The following AKAP9 variants were observed in gnomAD, a reference collection of about 807,000 sequenced individuals.
The protein encoded by AKAP9 is A-kinase anchor protein 9.
Under a neutral mutation model 488.5 loss-of-function variants are expected in AKAP9, and 311 were observed. The ratio of observed to expected loss-of-function variants is 0.64; its 90% CI spans 0.58 to 0.70. AKAP9 has a LOEUF of 0.70. Among genes scored for constraint, AKAP9 ranks in the 30% least tolerant of loss-of-function variants. The probability of loss-of-function intolerance (pLI) is 0.00; values close to 1 mark genes in which losing one functional copy is unlikely to be tolerated. For missense variants in AKAP9, 4,215 were observed against 4,374.5 expected (o/e 0.96, Z 1.03); for synonymous variants, 1,462 against 1,483.5 (o/e 0.99, Z 0.33).
chr7:91,983,420 A>G (rs1440465356), intron 3 of AKAP9, among the ~76,000 whole-genome samples: 1 of 152,136 alleles, frequency 6.6e-6, no homozygotes, highest in South Asian at 2.1e-4. Flanking sequence ...CATGGTGTAT[A>G]TGTGCCACAT....
intron 26 of AKAP9, among the ~76,000 whole-genome samples, chr7:92,067,937 A>G (rs1811021147): frequency 6.6e-6 from 1 of 152,194 alleles, no homozygotes; most frequent in African/African-American, 2.4e-5. Context: ...TTCTGAAACA[A>G]TTTTTATTTC....
At chr7:91,946,772 C>T (rs1791504622) in intron 1 of AKAP9, among the ~76,000 whole-genome samples, 1 of 152,004 alleles carries the variant, frequency 6.6e-6, no homozygotes. Context: ...TGAATGATAG[C>T]TCATGGAAAG....
chr7:92,077,095 T>TA, intron 29 of AKAP9, 88 bp downstream of exon 29: 16 of 394,490 alleles, frequency 4.1e-5, no homozygotes, highest in Non-Finnish European at 5.6e-5. Flanking sequence ...ATTATTTCTT[T>TA]CTTTTTTTTT....
At chr7:91,991,008 C>CA (rs1797679832) in intron 3 of AKAP9, among the ~76,000 whole-genome samples, 1 of 152,134 alleles carries the variant, frequency 6.6e-6, no homozygotes, top group Non-Finnish European at 1.5e-5. Context: ...ATACTCTGTC[C>CA]ATCTCATGTT....
At position 92,068,466 on chromosome 7, in the gene AKAP9, G is replaced by A. The variant is rs376510498; in HGVS notation, c.6331-1564G>A. On this transcript the variant is annotated intron_variant, in intron 26 of 49. Transcript: ENST00000356239. ...TTTGGCTTTTAAAAAGTAGTCGTTT[G>A]TTGTACTTCAAAGAATATTTAAGCT... Among the ~76,000 whole-genome samples, 580 of 150,834 alleles carry A rather than the reference G, an allele frequency of 3.8e-3. 4 individuals are homozygous for A. The highest frequency in any genetic ancestry group is 0.013 in the African/African-American group (554 of 41,128).
intron 1 of AKAP9, among the ~76,000 whole-genome samples, chr7:91,942,314 A>G (rs564852279): frequency 1.4e-4 from 22 of 152,366 alleles, no homozygotes; most frequent in African/African-American, 5.1e-4. Context: ...ATGAATATAT[A>G]TATAAAAACT....
chr7:92,101,793 A>G (rs1424302442), intron 45 of AKAP9, among the ~76,000 whole-genome samples: 4 of 152,214 alleles, frequency 2.6e-5, no homozygotes, highest in Non-Finnish European at 4.4e-5. Flanking sequence ...ATTCAAAACA[A>G]AAAGAAAAAC....
intron 2 of AKAP9, among the ~76,000 whole-genome samples, chr7:91,975,758 C>T (rs1795584396): frequency 6.6e-6 from 1 of 151,632 alleles, no homozygotes; most frequent in African/African-American, 2.4e-5. Context: ...TTTATATTAG[C>T]TGTTTTTGTT....
chr7:91,941,702 C>T (rs994481110), intron 1 of AKAP9, among the ~76,000 whole-genome samples: 2 of 151,990 alleles, frequency 1.3e-5, no homozygotes, highest in African/African-American at 2.4e-5. Context: ...TTTTTAGAAG[C>T]GTGTCTTTGT....
At chr7:92,063,124 C>CG (rs1810177833) in intron 24 of AKAP9, among the ~76,000 whole-genome samples, 1 of 152,106 alleles carries the variant, frequency 6.6e-6, no homozygotes, top group Non-Finnish European at 1.5e-5. Context: ...TTATATTACA[C>CG]GTGCAGTTGG....
Position 92,003,044 on chromosome 7 carries a change from G to A in AKAP9, c.3127G>A (p.Gly1043Ser), listed in dbSNP as rs1799361733. ...GSVSKVNKSF[G>S]EESKIMVEDK... is the part of the protein sequence containing the mutation. ...AGTTTCTAAAGTAAATAAAAGTTTTGGTGAAGAATCAAAAATAATGGTGGA... is the reference window on the plus strand; with the variant it reads ...AGTTTCTAAAGTAAATAAAAGTTTTAGTGAAGAATCAAAAATAATGGTGGA... Residue 1043 changes from glycine (G) to serine (S), a missense_variant, in exon 8 of 50, where the codon GGT becomes AGT. Gly to Ser is a moderately conservative substitution (Grantham distance 56, BLOSUM62 0). This residue lies in a region of AKAP9 where 2,361 missense variants were observed against 2,430.0 expected (regional missense o/e 0.97). Transcript: ENST00000356239. 7.4e-6 allele frequency: 12 copies of A among 1,613,144 alleles called. No individual in the cohort carries two copies. Among genetic ancestry groups the A allele is most frequent in the Non-Finnish European group, 8.5e-6 (10 of 1,179,542 alleles).
Position 92,001,176 on chromosome 7 carries a change from A to G in AKAP9, c.1259A>G (p.Gln420Arg), listed in dbSNP as rs375876545. 63 of 1,614,048 alleles carry G rather than the reference A, an allele frequency of 3.9e-5. No individual in the cohort carries two copies. Among genetic ancestry groups the G allele is most frequent in the Middle Eastern group, 3.3e-4 (2 of 6,062 alleles). The change falls in exon 8 of 50, where the codon CAA (glutamine) becomes CGA (arginine). Residue 420 changes from glutamine to arginine, a missense_variant. Physicochemically the swap from Gln to Arg is conservative, Grantham distance 43. Around this residue, in one of 5 missense-constraint regions of AKAP9, gnomAD observed 2,361 missense variants for 2,430.0 expected, o/e 0.97. Coordinates refer to ENST00000356239, the MANE Select transcript of AKAP9 (RefSeq NM_005751.5). ...AGCCAGTTCGAAACTGATATAGTACAACGAATGGAACAAGAAACACAAAGA... is the reference window on the plus strand; with the variant it reads ...AGCCAGTTCGAAACTGATATAGTACGACGAATGGAACAAGAAACACAAAGA... ...KDSQFETDIV[Q>R]RMEQETQRKL...
rs181831018 is a variant in AKAP9 at position 92,092,803 on chromosome 7, C to T, written c.9359-294C>T. 4.2e-3 allele frequency: 1,376 copies of T among 328,552 alleles called. 5 individuals are homozygous for T. The highest frequency in any genetic ancestry group is 5.5e-3 in the Non-Finnish European group (944 of 170,268). 20.4% of individuals were successfully genotyped at this position (328,552 alleles called of 1,614,324 possible). A position where few individuals can be genotyped will look rare whatever the true frequency, so the allele number is the denominator to read the frequency against. The stretch of plus-strand genomic sequence containing the variant: ...ATGGGACTACAGGCACATGCCAGCA[C>T]GCCCAGCTAATTTTTGTATTTTTAG... On this transcript the variant is annotated intron_variant, in intron 38 of 49. Transcript: ENST00000356239.
In AKAP9 at chr7:91,973,950, G is replaced by A. The variant is rs34953651; in HGVS notation, c.288G>A (p.Glu96=). 1 of 1,613,966 alleles carries A rather than the reference G, an allele frequency of 6.2e-7. No homozygotes were observed. Among genetic ancestry groups the A allele is most frequent in the South Asian group, 1.1e-5 (1 of 91,066 alleles). The change falls in exon 2 of 50, where the codon GAG becomes GAA. Residue 96 remains glutamate (E), a synonymous_variant. Coordinates refer to ENST00000356239, the MANE Select transcript of AKAP9 (RefSeq NM_005751.5). ...TLHSGEITSH[E]QGFSVELESE... ...ATAGTGGAGAAATAACCAGTCATGAGCAGGGCTTCTCTGTGGAAGTAAGTA... is the reference window on the plus strand; with the variant it reads ...ATAGTGGAGAAATAACCAGTCATGAACAGGGCTTCTCTGTGGAAGTAAGTA...
intron 17 of AKAP9, among the ~76,000 whole-genome samples, chr7:92,040,284 A>AT (rs953504756): frequency 6.6e-6 from 1 of 152,174 alleles, no homozygotes; most frequent in African/African-American, 2.4e-5. Flanking sequence ...CATACATTTA[A>AT]TTTTAAAATA....
At chr7:92,014,723 G>A (rs1801268165) in intron 10 of AKAP9, among the ~76,000 whole-genome samples, 1 of 152,188 alleles carries the variant, frequency 6.6e-6, no homozygotes, top group African/African-American at 2.4e-5. Context: ...TGATCACCCA[G>A]CCTAGTTTTC....
chr7:91,992,989 G>A lies in AKAP9; in HGVS notation c.510G>A (p.Glu170=). The change falls in exon 5 of 50, where the codon GAG becomes GAA. Residue 170 remains glutamate (E), a synonymous_variant. Transcript: ENST00000356239. ...GTGAGTTGGCTGGGAAGCAGCATGA[G>A]ATTGAAGAGCTAAACAGAGAGCTGG... The part of the protein sequence containing the change: ...MESELAGKQH[E]IEELNRELEE... The A allele has an allele frequency of 6.2e-7, 1 of 1,614,102 alleles. No homozygotes were observed. Among genetic ancestry groups the A allele is most frequent in the African/African-American group, 1.3e-5 (1 of 75,034 alleles).
rs754569380 is a variant in AKAP9 at position 92,098,207 on chromosome 7, G to T, written c.10706G>T (p.Gly3569Val). Residue 3569 changes from glycine to valine, a missense_variant, in exon 43 of 50, where the codon GGT (glycine) becomes GTT (valine). Coordinates refer to ENST00000356239, the MANE Select transcript of AKAP9 (RefSeq NM_005751.5). ...CTACAGAAATTAACTGGCCAGCAAG[G>T]TGAAGAGGTAATACTTTTTAAAAGT... The part of the protein sequence containing the change: ...LQLQKLTGQQ[G>V]EEPSLVSPST... 8.2e-6 allele frequency: 13 copies of T among 1,592,900 alleles called. No homozygotes were observed. The highest frequency in any genetic ancestry group is 1.0e-5 in the Non-Finnish European group (12 of 1,161,208).
intron 37 of AKAP9, among the ~76,000 whole-genome samples, chr7:92,086,708 C>T (rs1197651751): frequency 6.6e-6 from 1 of 152,176 alleles, no homozygotes; most frequent in African/African-American, 2.4e-5. Context: ...CATAAAGTTG[C>T]TCTGAACATT....
Sources: gnomAD v4.1 joint callset for allele counts (sites outside exome capture counted in the v4.1 genomes callset) on GRCh38, gnomAD v4.1.1 for gene constraint, gnomAD v4.1.1 regional missense constraint, MANE v1.5 for transcripts, NCBI Gene and HGNC (gene_info 2026-07-23, HGNC 2026-07-21) for gene names.